The following SHANK2 variants were observed in gnomAD, a reference collection of about 807,000 sequenced individuals.
SHANK2 encodes the protein SH3 and multiple ankyrin repeat domains 2.
A neutral mutation model predicts 133.7 loss-of-function variants in SHANK2; 43 were observed. That is an observed-to-expected ratio of 0.32 (90% CI 0.25 to 0.41). The LOEUF (loss-of-function observed/expected upper bound fraction) is 0.41. SHANK2 is among the 10% of genes least tolerant of loss of function. The pLI, the probability that SHANK2 is intolerant of heterozygous loss-of-function variation, is 1.00. For synonymous variants in SHANK2, 1,017 were observed against 952.8 expected (o/e 1.07, Z -1.24); for missense variants, 1,994 against 2,235.8 (o/e 0.89, Z 2.18).
intron 3 of SHANK2, among the ~76,000 whole-genome samples, chr11:71,119,311 G>A (rs563542382): frequency 7.9e-5 from 12 of 152,304 alleles, no homozygotes; most frequent in African/African-American, 2.9e-4. Context: ...GCCGGGTGCG[G>A]TGGCTCACGC....
chr11:70,496,492 TCATGTAA>T (rs1326763955), intron 21 of SHANK2, among the ~76,000 whole-genome samples: 2 of 152,148 alleles, frequency 1.3e-5, no homozygotes, highest in African/African-American at 4.8e-5. Flanking sequence ...TAAATACACC[TCATGTAA>T]CTGTGTGCCC....
intron 4 of SHANK2, 104 bp downstream of exon 4, chr11:71,118,725 A>G (rs1952028226): frequency 7.1e-6 from 7 of 983,922 alleles, no homozygotes; most frequent in Non-Finnish European, 1.0e-5. Flanking sequence ...TAATTTCCCA[A>G]TGCAAATGGA....
At chr11:70,586,448 G>A (rs917215401) in intron 17 of SHANK2, among the ~76,000 whole-genome samples, 2 of 152,144 alleles carry the variant, frequency 1.3e-5, no homozygotes, top group African/African-American at 4.8e-5. Flanking sequence ...TTAAGGCGTG[G>A]CCGGGGCTAG....
intron 8 of SHANK2, among the ~76,000 whole-genome samples, chr11:71,076,896 C>T (rs1376076511): frequency 2.0e-5 from 3 of 152,204 alleles, no homozygotes; most frequent in Non-Finnish European, 4.4e-5. Context: ...AAAGTTCTTT[C>T]CTTCTTCCAG....
intron 10 of SHANK2, among the ~76,000 whole-genome samples, chr11:70,929,445 G>A (rs1220928008): frequency 6.6e-6 from 1 of 152,206 alleles, no homozygotes; most frequent in Non-Finnish European, 1.5e-5. Context: ...AAATAAAGGT[G>A]TGCTGTCAGC....
chr11:70,944,110 G>A (rs1342147222), intron 10 of SHANK2, among the ~76,000 whole-genome samples: 2 of 152,214 alleles, frequency 1.3e-5, no homozygotes, highest in Non-Finnish European at 2.9e-5. Flanking sequence ...TTTCCCTCGA[G>A]TATATAACAG....
chr11:70,935,040 C>T (rs1555083225), intron 10 of SHANK2, among the ~76,000 whole-genome samples: 2 of 152,306 alleles, frequency 1.3e-5, no homozygotes, highest in East Asian at 3.9e-4. Flanking sequence ...CCCTCCTTAC[C>T]TGCGGTTTCA....
intron 2 of SHANK2, among the ~76,000 whole-genome samples, chr11:71,163,111 T>TATATATATATATATATATATACAC (rs1168851236): frequency 7.2e-6 from 1 of 137,960 alleles, no homozygotes; most frequent in African/African-American, 2.7e-5. Context: ...TATATATATA[T>TATATATATATATATATATATACAC]ACAGAATAGA....
chr11:70,507,125 C>T (rs1001995107), intron 17 of SHANK2, among the ~76,000 whole-genome samples: 1 of 152,236 alleles, frequency 6.6e-6, no homozygotes, highest in Non-Finnish European at 1.5e-5. Flanking sequence ...CATGCGGCAT[C>T]CTCCCCTGCT....
intron 11 of SHANK2, among the ~76,000 whole-genome samples, chr11:70,875,250 G>T (rs1261955502): frequency 6.6e-6 from 1 of 152,210 alleles, no homozygotes; most frequent in African/African-American, 2.4e-5. Flanking sequence ...CCTGTTGCGT[G>T]TACCTGGGGC....
At chr11:70,684,976 T>C (rs1210054308) in intron 15 of SHANK2, among the ~76,000 whole-genome samples, 1 of 152,090 alleles carries the variant, frequency 6.6e-6, no homozygotes, top group Non-Finnish European at 1.5e-5. Flanking sequence ...GCAGTGGGAA[T>C]GCTGTGCTGC....
chr11:70,515,075 C>G (rs2059247960), intron 17 of SHANK2, among the ~76,000 whole-genome samples: 1 of 152,222 alleles, frequency 6.6e-6, no homozygotes. Context: ...GGGTCTTGCT[C>G]TGTCGCCCAG....
chr11:70,716,997 C>T (rs981126754), intron 14 of SHANK2, among the ~76,000 whole-genome samples: 1 of 151,096 alleles, frequency 6.6e-6, no homozygotes, highest in African/African-American at 2.4e-5. Context: ...ACTGGAGAAG[C>T]TGATATAAAC....
At position 70,919,389 on chromosome 11, in the gene SHANK2, T is replaced by C. The variant is rs1296619676; in HGVS notation, c.1108-22822A>G. ...TACTACTTCTTTTTTTTTTTTTAAC[T>C]CTTTTTTTTTGAGACCGAGTCTCAC... On this transcript the variant is annotated intron_variant, in intron 10 of 25. Transcript: ENST00000601538. Among the ~76,000 whole-genome samples the C allele has an allele frequency of 2.5e-4, 38 of 151,138 alleles. 1 individual carries two copies. Among genetic ancestry groups the C allele is most frequent in the African/African-American group, 1.7e-4 (7 of 41,242 alleles).
At chr11:70,840,753 C>A (rs1254416889) in intron 11 of SHANK2, among the ~76,000 whole-genome samples, 4 of 152,188 alleles carry the variant, frequency 2.6e-5, no homozygotes, top group Admixed American at 2.6e-4. Context: ...CTGGAGCCTG[C>A]AGACTCAGGA....
At chr11:71,105,346 A>G (rs1231142309) in intron 6 of SHANK2, among the ~76,000 whole-genome samples, 1 of 152,050 alleles carries the variant, frequency 6.6e-6, no homozygotes, top group East Asian at 1.9e-4. Flanking sequence ...TAATCCCAGC[A>G]CTTTGGGAGG....
chr11:70,509,073 T>A (rs2059167761), intron 17 of SHANK2, among the ~76,000 whole-genome samples: 1 of 152,234 alleles, frequency 6.6e-6, no homozygotes, highest in Non-Finnish European at 1.5e-5. Flanking sequence ...TACTGCCACC[T>A]TGATCTCAAA....
rs1238038287 is a variant in SHANK2, at chr11:71,252,460, C to T, written c.-148G>A. 1 of 151,682 alleles carries T rather than the reference C, an allele frequency of 6.6e-6. No individual in the cohort carries two copies. The highest frequency in any genetic ancestry group is 2.4e-5 in the African/African-American group (1 of 41,378). The allele number at this position is 151,682 out of a possible 1,614,324, so 9.4% of individuals were successfully genotyped here. ...GAGTCGGGGGCGGGTCCGAGCCCCCCGGGAGCGCCAGCGTCCGCGCACACC... is the reference window on the plus strand; with the variant it reads ...GAGTCGGGGGCGGGTCCGAGCCCCCTGGGAGCGCCAGCGTCCGCGCACACC... On this transcript the variant is annotated 5_prime_UTR_variant, in exon 1 of 26. Transcript: ENST00000601538. The surrounding 1 kb of genome is among the most constrained non-coding windows in gnomAD (Gnocchi z 6.3).
intron 7 of SHANK2, among the ~76,000 whole-genome samples, chr11:71,093,962 G>T (rs1199795990): frequency 5.3e-5 from 8 of 152,150 alleles, no homozygotes; most frequent in African/African-American, 1.4e-4. Context: ...GCAGTGTGAG[G>T]CAGGGGCACG....
Sources: gnomAD v4.1 joint callset for allele counts (sites outside exome capture counted in the v4.1 genomes callset) on GRCh38, gnomAD v4.1.1 for gene constraint, Gnocchi (gnomAD v3.1) non-coding constraint, MANE v1.5 for transcripts, NCBI Gene and HGNC (gene_info 2026-07-23, HGNC 2026-07-21) for gene names.